STPG2: variants seen among roughly 807,000 people sequenced by gnomAD.
STPG2 encodes the protein sperm tail PG-rich repeat containing 2, also known as sperm-tail PG-rich repeat-containing protein 2.
Under a neutral mutation model 54.2 loss-of-function variants are expected in STPG2, and 56 were observed. The observed-to-expected ratio is 1.03, with a 90% CI of 0.83 to 1.29. The LOEUF is 1.29. Among genes scored for constraint, STPG2 ranks in the 50% most tolerant of loss-of-function variants. The probability of loss-of-function intolerance (pLI) is 0.00; values close to 1 mark genes in which losing one functional copy is unlikely to be tolerated. For synonymous variants in STPG2, 200 were observed against 181.8 expected (o/e 1.10, Z -0.81); for missense variants, 596 against 544.9 (o/e 1.09, Z -0.93).
At chr4:97,796,723 T>C (rs1040332858) in intron 9 of STPG2, among the ~76,000 whole-genome samples, 13 of 152,224 alleles carry the variant, frequency 8.5e-5, no homozygotes, top group Non-Finnish European at 1.6e-4. Flanking sequence ...AGTAGTTTTT[T>C]CCAATTCTGT....
At chr4:97,970,182 T>C (rs1734272701) in intron 7 of STPG2, among the ~76,000 whole-genome samples, 1 of 152,178 alleles carries the variant, frequency 6.6e-6, no homozygotes, top group Non-Finnish European at 1.5e-5. Flanking sequence ...TGGAAGAATA[T>C]TCCATGCTCA....
At chr4:97,574,331 T>C (rs1006311993) in intron 10 of STPG2, among the ~76,000 whole-genome samples, 9 of 151,990 alleles carry the variant, frequency 5.9e-5, no homozygotes, top group Non-Finnish European at 1.3e-4. Context: ...AAAAGACAGA[T>C]TGACAAGAGG....
intron 10 of STPG2, among the ~76,000 whole-genome samples, chr4:97,634,728 GA>G (rs1721445584): frequency 6.6e-6 from 1 of 152,080 alleles, no homozygotes; most frequent in African/African-American, 2.4e-5. Context: ...TCAACTGGAA[GA>G]AAGGGTATCA....
intron 10 of STPG2, among the ~76,000 whole-genome samples, chr4:97,562,017 T>C (rs1443043508): frequency 1.3e-5 from 2 of 152,216 alleles, no homozygotes; most frequent in African/African-American, 2.4e-5. Context: ...ATTAAATCTA[T>C]AAATTACATT....
At chr4:98,028,649 A>T (rs1326085470) in intron 5 of STPG2, among the ~76,000 whole-genome samples, 1 of 152,320 alleles carries the variant, frequency 6.6e-6, no homozygotes, top group South Asian at 2.1e-4. Flanking sequence ...ACCTCATTTA[A>T]TAGTTCCTTG....
At chr4:97,892,895 C>T (rs990137918) in intron 8 of STPG2, among the ~76,000 whole-genome samples, 1 of 152,158 alleles carries the variant, frequency 6.6e-6, no homozygotes, top group African/African-American at 2.4e-5. Context: ...CCTACTTCTA[C>T]TTTGGACTCA....
chr4:98,036,876 C>A (rs528866683), intron 5 of STPG2, among the ~76,000 whole-genome samples: 1 of 151,972 alleles, frequency 6.6e-6, no homozygotes, highest in East Asian at 1.9e-4. Flanking sequence ...AAAATCAACA[C>A]AACTAAAAAT....
intron 8 of STPG2, among the ~76,000 whole-genome samples, chr4:97,935,194 G>T (rs1732704091): frequency 6.6e-6 from 1 of 151,958 alleles, no homozygotes; most frequent in African/African-American, 2.4e-5. Flanking sequence ...TGGGTTCAAT[G>T]GTGATATCCT....
intron 4 of STPG2, among the ~76,000 whole-genome samples, chr4:97,542,836 TGGAAA>T (rs1731748748): frequency 6.6e-6 from 1 of 152,098 alleles, no homozygotes; most frequent in Admixed American, 6.6e-5. Flanking sequence ...TAGATGAAGC[TGGAAA>T]CCATCATTCT....
intron 8 of STPG2, chr4:97,917,053 A>G (rs1245042810): frequency 6.6e-6 from 1 of 152,628 alleles, no homozygotes; most frequent in East Asian, 1.9e-4. Flanking sequence ...TCAGCCATAC[A>G]TTTAAAGTTT....
chr4:97,783,332 C>T lies in STPG2; in HGVS notation c.1204+57441G>A, dbSNP rs189592717. Among the ~76,000 whole-genome samples the T allele has an allele frequency of 4.2e-3, 646 of 152,300 alleles. 2 individuals are homozygous for T. The highest frequency in any genetic ancestry group is 0.014 in the Middle Eastern group (4 of 294). Reference sequence around the variant, plus strand: ...AACAGACACATGAAAAAATGTTCATCATCACTGGCCATCAGAGAAATGCAA... The same window carrying T: ...AACAGACACATGAAAAAATGTTCATTATCACTGGCCATCAGAGAAATGCAA... On this transcript the variant is annotated intron_variant, in intron 9 of 10. Transcript: ENST00000295268.
chr4:97,483,749 C>A (rs1730282880), intron 4 of STPG2, among the ~76,000 whole-genome samples: 1 of 151,688 alleles, frequency 6.6e-6, no homozygotes, highest in Non-Finnish European at 1.5e-5. Context: ...CAGAACTTTC[C>A]ATCCAATAAC....
intron 10 of STPG2, among the ~76,000 whole-genome samples, chr4:97,686,248 CTT>C (rs1311790098): frequency 1.7e-5 from 2 of 116,202 alleles, no homozygotes; most frequent in African/African-American, 5.5e-5. Flanking sequence ...TTCTTTTCCT[CTT>C]TCTCTCTCTC....
At chr4:98,121,405 C>G (rs1739676083) in intron 3 of STPG2, among the ~76,000 whole-genome samples, 1 of 152,046 alleles carries the variant, frequency 6.6e-6, no homozygotes, top group East Asian at 1.9e-4. Context: ...TTTAAAATAG[C>G]TTTTACTAAT....
At chr4:97,918,952 AAAACT>A in intron 8 of STPG2, among the ~76,000 whole-genome samples, 1 of 152,196 alleles carries the variant, frequency 6.6e-6, no homozygotes, top group Non-Finnish European at 1.5e-5. Context: ...CTGTTCCCCA[AAAACT>A]ATTGAAATAA....
chr4:97,693,875 T>G (rs888813940), intron 10 of STPG2, among the ~76,000 whole-genome samples: 5 of 152,046 alleles, frequency 3.3e-5, no homozygotes, highest in African/African-American at 9.7e-5. Flanking sequence ...CTCAAAACCA[T>G]GCAAATACAT....
At chr4:97,519,184 A>C (rs1288145851) in intron 4 of STPG2, among the ~76,000 whole-genome samples, 1 of 152,126 alleles carries the variant, frequency 6.6e-6, no homozygotes, top group Non-Finnish European at 1.5e-5. Context: ...CTGAGCATAG[A>C]AGAGATAGAA....
At chr4:97,528,820 G>A (rs1020000920) in intron 4 of STPG2, among the ~76,000 whole-genome samples, 1 of 152,138 alleles carries the variant, frequency 6.6e-6, no homozygotes, top group Non-Finnish European at 1.5e-5. Context: ...TGGTGTATAG[G>A]AATGCTTGTG....
chr4:98,074,615 T>C (rs1738103567), intron 5 of STPG2, among the ~76,000 whole-genome samples: 1 of 152,174 alleles, frequency 6.6e-6, no homozygotes, highest in African/African-American at 2.4e-5. Context: ...TTTTACTCAG[T>C]TTTTCAGTCT....
Sources: gnomAD v4.1 joint callset for allele counts (sites outside exome capture counted in the v4.1 genomes callset) on GRCh38, gnomAD v4.1.1 for gene constraint, MANE v1.5 for transcripts, NCBI Gene and HGNC (gene_info 2026-07-23, HGNC 2026-07-21) for gene names.